FAF1: variants seen among roughly 807,000 people sequenced by gnomAD.
FAF1 encodes FAS-associated factor 1.
A neutral mutation model predicts 92.5 loss-of-function variants in FAF1; 25 were observed. The ratio of observed to expected loss-of-function variants is 0.27; its 90% CI spans 0.20 to 0.38. FAF1 has a LOEUF of 0.38. Among genes scored for constraint, FAF1 ranks in the 10% least tolerant of loss-of-function variants. FAF1 has a pLI of 1.00. For missense variants in FAF1, 636 were observed against 793.3 expected (o/e 0.80, Z 2.38); for synonymous variants, 234 against 273.2 (o/e 0.86, Z 1.42).
intron 1 of FAF1, among the ~76,000 whole-genome samples, chr1:50,955,955 A>T (rs1645263155): frequency 6.6e-6 from 1 of 152,230 alleles, no homozygotes; most frequent in Admixed American, 6.5e-5. Flanking sequence ...ATTCAGAGAT[A>T]GAAAGTAGGA....
At chr1:50,908,921 T>C (rs1043618780) in intron 1 of FAF1, among the ~76,000 whole-genome samples, 4 of 152,232 alleles carry the variant, frequency 2.6e-5, no homozygotes, top group African/African-American at 7.2e-5. Context: ...GTCTTCATGA[T>C]GTTAGCTGGT....
At chr1:50,880,726 C>T (rs1644605013) in intron 1 of FAF1, among the ~76,000 whole-genome samples, 1 of 152,260 alleles carries the variant, frequency 6.6e-6, no homozygotes, top group South Asian at 2.1e-4. Context: ...GATATTGTTA[C>T]GGCCACCTGA....
intron 17 of FAF1, among the ~76,000 whole-genome samples, chr1:50,478,585 T>TTCACCATCAAGATAGCCA (rs1312007216): frequency 1.3e-5 from 2 of 152,206 alleles, no homozygotes; most frequent in Non-Finnish European, 2.9e-5. Flanking sequence ...AATCTGTAGA[T>TTCACCATCAAGATAGCCA]TCACCATCAA....
At chr1:50,680,758 TCTAGTCAAAACA>T (rs1314269196) in intron 7 of FAF1, among the ~76,000 whole-genome samples, 8 of 152,016 alleles carry the variant, frequency 5.3e-5, no homozygotes. Flanking sequence ...TAAGGGATCG[TCTAGTCAAAACA>T]CTCAATGTGG....
intron 18 of FAF1, among the ~76,000 whole-genome samples, chr1:50,457,392 T>C (rs996162357): frequency 1.3e-5 from 2 of 152,062 alleles, no homozygotes; most frequent in African/African-American, 4.8e-5. Context: ...GCTTTGAAAA[T>C]TACAAGGAGT....
At chr1:50,485,162 T>A (rs1646749669) in intron 17 of FAF1, among the ~76,000 whole-genome samples, 1 of 151,798 alleles carries the variant, frequency 6.6e-6, no homozygotes, top group Non-Finnish European at 1.5e-5. Flanking sequence ...GGTCTTGCCA[T>A]GTTGCTCTGG....
chr1:50,831,805 CAAAAAAAAA>C (rs1157102526), intron 2 of FAF1, among the ~76,000 whole-genome samples: 2 of 81,742 alleles, frequency 2.4e-5, no homozygotes, highest in Non-Finnish European at 4.8e-5. Flanking sequence ...TTATCAGAGA[CAAAAAAAAA>C]AAAAAAAAAA....
At chr1:50,942,657 T>C (rs1645142795) in intron 1 of FAF1, among the ~76,000 whole-genome samples, 1 of 152,016 alleles carries the variant, frequency 6.6e-6, no homozygotes, top group Non-Finnish European at 1.5e-5. Flanking sequence ...TACAATTTCA[T>C]GGATATTGGA....
At chr1:50,784,875 C>T (rs1661304535) in intron 4 of FAF1, among the ~76,000 whole-genome samples, 2 of 152,114 alleles carry the variant, frequency 1.3e-5, no homozygotes, top group South Asian at 2.1e-4. Context: ...AATAAACCCA[C>T]ACGTATACAG....
At chr1:50,851,081 ATTTT>A (rs57980948) in intron 2 of FAF1, among the ~76,000 whole-genome samples, 1 of 135,454 alleles carries the variant, frequency 7.4e-6, no homozygotes, top group African/African-American at 2.7e-5. Flanking sequence ...AGCAATTTAC[ATTTT>A]TTTTTTTTTT....
intron 6 of FAF1, among the ~76,000 whole-genome samples, chr1:50,712,807 C>T (rs555694197): frequency 6.6e-6 from 1 of 152,144 alleles, no homozygotes; most frequent in East Asian, 1.9e-4. Flanking sequence ...TCACACAGTA[C>T]CCCCTAATTT....
intron 1 of FAF1, among the ~76,000 whole-genome samples, chr1:50,917,689 GAAAGGAAAGGAAAAGA>G (rs1557588614): frequency 1.5e-5 from 2 of 132,018 alleles, no homozygotes; most frequent in African/African-American, 5.4e-5. Flanking sequence ...GAAAGGAAAG[GAAAGGAAAGGAAAAGA>G]AAGAAAACCA....
rs923082867 is a variant in FAF1 at position 50,915,302 on chromosome 1, G to T, written c.45+44465C>A. Among the ~76,000 whole-genome samples, 3 of 151,454 alleles carry T rather than the reference G, an allele frequency of 2.0e-5. No individual in the cohort carries two copies. The South Asian group carries it at 6.3e-4, about 32-fold the overall frequency. On this transcript the variant is annotated intron_variant, in intron 1 of 18. Coordinates refer to ENST00000396153, the MANE Select transcript of FAF1 (RefSeq NM_007051.3). ...CGAGAATCGCTTGAACCTGGGAGGCGGAGGTTGCAGTGAGCCAAGATCACG... is the reference window on the plus strand; with the variant it reads ...CGAGAATCGCTTGAACCTGGGAGGCTGAGGTTGCAGTGAGCCAAGATCACG...
At chr1:50,827,764 C>T (rs1013418068) in intron 2 of FAF1, among the ~76,000 whole-genome samples, 15 of 151,828 alleles carry the variant, frequency 9.9e-5, no homozygotes, top group Middle Eastern at 3.2e-3. Flanking sequence ...AAATATCTAA[C>T]GAATATCTTA....
rs1000380974 is a variant in FAF1, at chr1:50,440,352, G to C, written c.*1088C>G. 1.3e-5 allele frequency: 2 copies of C among 152,168 alleles called. No homozygotes were observed. Among genetic ancestry groups the C allele is most frequent in the African/African-American group, 4.8e-5 (2 of 41,422 alleles). The allele number at this position is 152,168 out of a possible 1,614,324, so 9.4% of individuals were successfully genotyped here. A position where few individuals can be genotyped will look rare whatever the true frequency, so the allele number is the denominator to read the frequency against. Reference sequence around the variant, plus strand: ...TCAGGCAACACATGTCTTCTGAGTTGAGTCCCCAAGTTTGCTCTCTTCAAC... The same window carrying C: ...TCAGGCAACACATGTCTTCTGAGTTCAGTCCCCAAGTTTGCTCTCTTCAAC... On this transcript the variant is annotated 3_prime_UTR_variant, in exon 19 of 19. Transcript: ENST00000396153.
rs934895743 is a variant in FAF1, at chr1:50,437,029, G to A, written c.*4411C>T. The A allele has an allele frequency of 1.3e-5, 2 of 152,172 alleles. No individual in the cohort carries two copies. The highest frequency in any genetic ancestry group is 2.9e-5 in the Non-Finnish European group (2 of 68,038). The allele number at this position is 152,172 out of a possible 1,614,324, so 9.4% of individuals were successfully genotyped here. On this transcript the variant is annotated 3_prime_UTR_variant, in exon 19 of 19. Transcript: ENST00000396153. ...ACAAAGAGTTTATAGACTGAAGACT[G>A]GAGATCATGTCTCTTTTATTAATAT...
At chr1:50,642,659 A>G (rs1394716301) in intron 8 of FAF1, among the ~76,000 whole-genome samples, 1 of 152,066 alleles carries the variant, frequency 6.6e-6, no homozygotes, top group Non-Finnish European at 1.5e-5. Flanking sequence ...AAAAATAATA[A>G]TAATAAAATA....
intron 13 of FAF1, among the ~76,000 whole-genome samples, chr1:50,542,183 AATCTG>A (rs1209864507): frequency 6.6e-6 from 1 of 152,184 alleles, no homozygotes; most frequent in Admixed American, 6.5e-5. Flanking sequence ...AATTTTAATT[AATCTG>A]ATCAATCTTC....
chr1:50,618,967 G>A (rs1023185689), intron 8 of FAF1, among the ~76,000 whole-genome samples: 3 of 152,076 alleles, frequency 2.0e-5, no homozygotes, highest in Admixed American at 6.6e-5. Flanking sequence ...ATGTTAGCCA[G>A]GCTGGTCTCG....
Sources: allele counts gnomAD v4.1 joint callset (sites outside exome capture counted in the v4.1 genomes callset), GRCh38; gene constraint gnomAD v4.1.1; transcripts MANE v1.5; gene names NCBI Gene and HGNC (gene_info 2026-07-23, HGNC 2026-07-21).